EAF1: variants seen among roughly 807,000 people sequenced by gnomAD.
The protein encoded by EAF1 is ELL associated factor 1.
Under a neutral mutation model 26.6 loss-of-function variants are expected in EAF1, and 19 were observed. That is an observed-to-expected ratio of 0.71 (90% CI 0.50 to 1.05). The LOEUF is 1.05. EAF1 is among the 50% of genes least tolerant of loss of function. EAF1 has a pLI of 0.00. For synonymous variants in EAF1, 102 were observed against 120.6 expected (o/e 0.85, Z 1.01); for missense variants, 260 against 335.5 (o/e 0.78, Z 1.76).
intron 5 of EAF1, among the ~76,000 whole-genome samples, chr3:15,438,011 T>C (rs182327832): frequency 7.9e-4 from 120 of 152,132 alleles, no homozygotes; most frequent in African/African-American, 2.8e-3. Context: ...ATCTTTAACA[T>C]AGAGACTGAA....
chr3:15,437,487 T>A (rs1441662197), intron 5 of EAF1, among the ~76,000 whole-genome samples: 1 of 151,746 alleles, frequency 6.6e-6, no homozygotes, highest in East Asian at 1.9e-4. Context: ...AAGGTCTCAC[T>A]GTTTTGCCCA....
intron 4 of EAF1, 120 bp from the exon 5 acceptor site, chr3:15,436,222 A>C: frequency 1.5e-6 from 1 of 688,454 alleles, no homozygotes; most frequent in Non-Finnish European, 2.3e-6. Flanking sequence ...GAGAAGTAGG[A>C]CTTTGTTTTA....
At chr3:15,429,779 GTTT>G (rs946565697) in intron 1 of EAF1, 131 bp from the exon 2 acceptor site, 3 of 669,178 alleles carry the variant, frequency 4.5e-6, no homozygotes, top group African/African-American at 3.7e-5. Flanking sequence ...TAACGAAACA[GTTT>G]TTTAAGAATT....
chr3:15,435,113 T>C (rs949697754), intron 4 of EAF1, among the ~76,000 whole-genome samples: 10 of 152,200 alleles, frequency 6.6e-5, no homozygotes, highest in Non-Finnish European at 1.5e-4. Context: ...AAAATGCCTT[T>C]TAAAATACCA....
chr3:15,434,831 G>GT lies in EAF1; in HGVS notation c.526+293_526+294insT, dbSNP rs543242143. Among the ~76,000 whole-genome samples the GT allele has an allele frequency of 2.0e-3, 300 of 152,298 alleles. 1 individual carries two copies. Among genetic ancestry groups the GT allele is most frequent in the African/African-American group, 6.6e-3 (275 of 41,566 alleles). ...ATGACTTCCATCTAAGCTCCATATG[G>GT]CACACCTCTAAGGCTTCGGAGAAAG... On this transcript the variant is annotated intron_variant, in intron 4 of 5. Coordinates refer to ENST00000396842, the MANE Select transcript of EAF1 (RefSeq NM_033083.7).
chr3:15,432,671 C>A (rs1019851205), intron 3 of EAF1, among the ~76,000 whole-genome samples: 1 of 152,072 alleles, frequency 6.6e-6, no homozygotes, highest in African/African-American at 2.4e-5. Flanking sequence ...ATAGTGAACT[C>A]TTTAATTCAA....
chr3:15,434,421 C>T lies in EAF1; in HGVS notation c.409C>T (p.Pro137Ser). The T allele has an allele frequency of 1.2e-6, 2 of 1,614,212 alleles. No homozygotes were observed. Among genetic ancestry groups the T allele is most frequent in the Non-Finnish European group, 1.7e-6 (2 of 1,180,038 alleles). Reference protein sequence around the residue: ...PTRPPQTSQPPPPPPPMPFRA... With the variant: ...PTRPPQTSQPSPPPPPMPFRA... ...TCGTCCTCCACAGACGTCACAGCCA[C>T]CACCACCTCCACCACCTATGCCATT... The change falls in exon 4 of 6, where the codon CCA (proline) becomes TCA (serine). Residue 137 changes from proline to serine, a missense_variant. Physicochemically the swap from Pro to Ser is moderately conservative, Grantham distance 74. Coordinates refer to ENST00000396842, the MANE Select transcript of EAF1 (RefSeq NM_033083.7).
intron 5 of EAF1, 128 bp downstream of exon 5, chr3:15,436,703 A>G (rs1182586968): frequency 1.3e-6 from 1 of 758,046 alleles, no homozygotes; most frequent in Non-Finnish European, 2.0e-6. Context: ...AATAGTTTGG[A>G]GCAGAAAGGT....
At chr3:15,437,368 G>A (rs1056551354) in intron 5 of EAF1, among the ~76,000 whole-genome samples, 1 of 150,162 alleles carries the variant, frequency 6.7e-6, no homozygotes, top group Non-Finnish European at 1.5e-5. Flanking sequence ...GCCCAGGCTG[G>A]TCTCAAACTC....
rs1407998520 is a variant in EAF1 at position 15,436,531 on chromosome 3, G to C, written c.716G>C (p.Gly239Ala). The C allele has an allele frequency of 1.3e-6, 2 of 1,592,350 alleles. No homozygotes were observed. The highest frequency in any genetic ancestry group is 2.2e-5 in the South Asian group (2 of 90,600). The change falls in exon 5 of 6, where the codon GGA (glycine) becomes GCA (alanine). Residue 239 changes from glycine to alanine, a missense_variant. Coordinates refer to ENST00000396842, the MANE Select transcript of EAF1 (RefSeq NM_033083.7). ...AACAGTAGGCCTGCCGTTGCCAATG[G>C]AACCAGCCGGCCACAAGGAAGCAAC... ...PYNSRPAVANGTSRPQGSNQL... is the reference protein window; with the variant it reads ...PYNSRPAVANATSRPQGSNQL...
chr3:15,432,522 G>A (rs1056957621), intron 3 of EAF1, among the ~76,000 whole-genome samples: 1 of 152,090 alleles, frequency 6.6e-6, no homozygotes, highest in Admixed American at 6.5e-5. Flanking sequence ...TACCACCTAA[G>A]GGATAAGATA....
chr3:15,441,096 C>T lies in EAF1; in HGVS notation c.*1941C>T, dbSNP rs2061866557. 1 of 152,658 alleles carries T rather than the reference C, an allele frequency of 6.6e-6. No individual in the cohort carries two copies. The highest frequency in any genetic ancestry group is 6.6e-5 in the Admixed American group (1 of 15,260). The allele number at this position is 152,658 out of a possible 1,614,324, so 9.5% of individuals were successfully genotyped here. On this transcript the variant is annotated 3_prime_UTR_variant, in exon 6 of 6. Transcript: ENST00000396842. ...GACGTGTTTCTATAGGAAATGCTTG[C>T]ACGTGGCACTGGCTTGGTGAGTCAA...
At chr3:15,429,883 G>A in intron 1 of EAF1, 30 bp from the exon 2 acceptor site, 1 of 1,460,944 alleles carries the variant, frequency 6.8e-7, no homozygotes, top group Non-Finnish European at 9.6e-7. Context: ...GTAACCTGGT[G>A]GGTAAGTGCT....
chr3:15,437,710 G>A (rs903844948), intron 5 of EAF1, among the ~76,000 whole-genome samples: 1 of 152,164 alleles, frequency 6.6e-6, no homozygotes, highest in African/African-American at 2.4e-5. Context: ...CCTGATGAAT[G>A]TTCTCTCTTG....
chr3:15,436,516 C>G lies in EAF1; in HGVS notation c.701C>G (p.Pro234Arg). The change falls in exon 5 of 6, where the codon CCT becomes CGT. Residue 234 changes from proline (P) to arginine (R), a missense_variant. Coordinates refer to ENST00000396842, the MANE Select transcript of EAF1 (RefSeq NM_033083.7). ...CACCAGCAGCCCTACAACAGTAGGC[C>G]TGCCGTTGCCAATGGAACCAGCCGG... ...PSHQQPYNSR[P>R]AVANGTSRPQ... is the part of the protein sequence containing the mutation. 6.3e-7 allele frequency: 1 copy of G among 1,596,072 alleles called. No individual in the cohort carries two copies. The highest frequency in any genetic ancestry group is 8.6e-7 in the Non-Finnish European group (1 of 1,164,716).
chr3:15,432,758 C>G (rs560595483), intron 3 of EAF1, among the ~76,000 whole-genome samples: 1 of 151,672 alleles, frequency 6.6e-6, no homozygotes, highest in Non-Finnish European at 1.5e-5. Flanking sequence ...TAGAAATAAC[C>G]TAGTGGTTCT....
chr3:15,428,004 T>C, intron 1 of EAF1, 122 bp downstream of exon 1: 1 of 774,538 alleles, frequency 1.3e-6, no homozygotes, highest in Non-Finnish European at 2.1e-6. Flanking sequence ...CGTCAGTTAC[T>C]TTCTCTCGAA....
rs945663827 is a variant in EAF1, at chr3:15,439,531, G to A, written c.*376G>A. 1 of 175,400 alleles carries A rather than the reference G, an allele frequency of 5.7e-6. No homozygotes were observed. The highest frequency in any genetic ancestry group is 2.4e-5 in the African/African-American group (1 of 42,240). 10.9% of individuals were successfully genotyped at this position (175,400 alleles called of 1,614,324 possible). A position where few individuals can be genotyped will look rare whatever the true frequency, so the allele number is the denominator to read the frequency against. On this transcript the variant is annotated 3_prime_UTR_variant, in exon 6 of 6. Transcript: ENST00000396842. ...TCAGCAGCCATCAGTTTGGCCAAGT[G>A]GTTGGTACCAGTGGAATGAAGTCTT...
At position 15,427,714 on chromosome 3, in the gene EAF1, G is replaced by C; in HGVS notation, c.-66G>C. ...AAGCACAGTCCTCCCAGACGCCAGC[G>C]CCAGAAGCTCGGATCGCGGCTGCAC... is the stretch of plus-strand genomic sequence containing the variant. On this transcript the variant is annotated 5_prime_UTR_variant, in exon 1 of 6. Coordinates refer to ENST00000396842, the MANE Select transcript of EAF1 (RefSeq NM_033083.7). 6.7e-7 allele frequency: 1 copy of C among 1,496,312 alleles called. No individual in the cohort carries two copies. The highest frequency in any genetic ancestry group is 9.1e-7 in the Non-Finnish European group (1 of 1,099,896). 92.7% of individuals were successfully genotyped at this position (1,496,312 alleles called of 1,614,324 possible).
Sources: allele counts gnomAD v4.1 joint callset (sites outside exome capture counted in the v4.1 genomes callset), GRCh38; gene constraint gnomAD v4.1.1; transcripts MANE v1.5; gene names NCBI Gene and HGNC (gene_info 2026-07-23, HGNC 2026-07-21).